Variants in MALRD1 observed in about 807,000 individuals in gnomAD.
MALRD1 encodes MAM and LDL receptor class A domain containing 1, also known as MAM and LDL-receptor class A domain-containing protein 1.
MALRD1 carries 247 observed loss-of-function variants against 242.1 expected under a neutral mutation model. That is an observed-to-expected ratio of 1.02 (90% CI 0.92 to 1.13). The LOEUF (loss-of-function observed/expected upper bound fraction) is 1.13. Ranked by LOEUF, MALRD1 falls within the 50% of genes most tolerant of loss-of-function variation. The pLI, the probability that MALRD1 is intolerant of heterozygous loss-of-function variation, is 0.00. For missense variants in MALRD1, 2,989 were observed against 2,533.1 expected (o/e 1.18, Z -3.86); for synonymous variants, 995 against 866.6 (o/e 1.15, Z -2.60).
At chr10:19,353,580 C>A (rs1412042276) in intron 26 of MALRD1, among the ~76,000 whole-genome samples, 1 of 152,104 alleles carries the variant, frequency 6.6e-6, no homozygotes, top group East Asian at 1.9e-4. Context: ...AGGCTCTTTG[C>A]CTGACAGGCT....
At chr10:19,269,118 C>A (rs1237007281) in intron 19 of MALRD1, among the ~76,000 whole-genome samples, 1 of 152,156 alleles carries the variant, frequency 6.6e-6, no homozygotes, top group Non-Finnish European at 1.5e-5. Flanking sequence ...CCAACTTTAG[C>A]CTTATTCTAA....
At chr10:19,128,565 A>G (rs1164845017) in intron 8 of MALRD1, among the ~76,000 whole-genome samples, 178 bp downstream of exon 8, 1 of 152,206 alleles carries the variant, frequency 6.6e-6, no homozygotes, top group African/African-American at 2.4e-5. Context: ...TCTCATGTAC[A>G]AAAGTTAATG....
At chr10:19,519,309 C>T (rs1833777317) in intron 31 of MALRD1, among the ~76,000 whole-genome samples, 1 of 151,830 alleles carries the variant, frequency 6.6e-6, no homozygotes. Flanking sequence ...TGACTTTTCT[C>T]CTATTATGCC....
chr10:19,158,666 A>G (rs987907496), intron 12 of MALRD1, among the ~76,000 whole-genome samples: 10 of 152,234 alleles, frequency 6.6e-5, no homozygotes, highest in Admixed American at 5.9e-4. Flanking sequence ...CTGTGTGTTG[A>G]TCACAGTCCT....
intron 28 of MALRD1, among the ~76,000 whole-genome samples, chr10:19,425,443 C>T (rs576170544): frequency 4.6e-4 from 70 of 152,090 alleles, no homozygotes; most frequent in African/African-American, 1.6e-3. Flanking sequence ...GAAGTATATA[C>T]GTGTGTGTGT....
At position 19,299,210 on chromosome 10, in the gene MALRD1, GAT is replaced by G. The variant is rs1841838408; in HGVS notation, c.3419+16031_3419+16032del. 1.3e-5 allele frequency among the ~76,000 whole-genome samples: 2 copies of G among 151,898 alleles called. 1 individual carries two copies. Among genetic ancestry groups the G allele is most frequent in the African/African-American group, 4.8e-5 (2 of 41,364 alleles). On this transcript the variant is annotated intron_variant, in intron 21 of 39. Coordinates refer to ENST00000454679, the MANE Select transcript of MALRD1 (RefSeq NM_001142308.3). The stretch of plus-strand genomic sequence containing the variant: ...AATATGTAAATCATATATTGATTAA[GAT>G]ACACAAAATTAATAGTATAAAAAGC...
intron 14 of MALRD1, among the ~76,000 whole-genome samples, chr10:19,195,096 A>C (rs11008883): frequency 0.17 from 25,451 of 152,218 alleles, 2,303 homozygotes; most frequent in Non-Finnish European, 0.2. Flanking sequence ...CTGTGACCCC[A>C]CTGCCTGTTA....
intron 18 of MALRD1, among the ~76,000 whole-genome samples, chr10:19,247,242 C>G (rs1464338248): frequency 1.3e-5 from 2 of 151,726 alleles, no homozygotes; most frequent in East Asian, 3.9e-4. Context: ...AAAAGAAATA[C>G]AAAAACAAAA....
chr10:19,585,434 C>G (rs1172879767), intron 33 of MALRD1, among the ~76,000 whole-genome samples: 7 of 152,058 alleles, frequency 4.6e-5, no homozygotes, highest in Non-Finnish European at 8.8e-5. Flanking sequence ...GTGACAAAAT[C>G]TCTCAACATT....
In MALRD1 at chr10:19,723,610, C is replaced by G. The variant is rs139402152; in HGVS notation, c.6315-7096C>G. On this transcript the variant is annotated intron_variant, in intron 38 of 39. Coordinates refer to ENST00000454679, the MANE Select transcript of MALRD1 (RefSeq NM_001142308.3). Reference sequence around the variant, plus strand: ...TAAAAAAATTAGCCGGGTGTGTTGGCATGCACCTATAGTCCCAGCAACTCA... The same window carrying G: ...TAAAAAAATTAGCCGGGTGTGTTGGGATGCACCTATAGTCCCAGCAACTCA... Among the ~76,000 whole-genome samples the G allele has an allele frequency of 2.1e-3, 322 of 152,160 alleles. 2 individuals are homozygous for G. Among genetic ancestry groups the G allele is most frequent in the African/African-American group, 7.4e-3 (309 of 41,522 alleles).
intron 5 of MALRD1, among the ~76,000 whole-genome samples, chr10:19,112,758 G>T (rs1241301224): frequency 6.6e-6 from 1 of 152,118 alleles, no homozygotes; most frequent in East Asian, 1.9e-4. Context: ...TGGAATAGAG[G>T]TAAGTAAGGA....
chr10:19,266,920 A>G (rs998397774), intron 19 of MALRD1, among the ~76,000 whole-genome samples: 1 of 152,014 alleles, frequency 6.6e-6, no homozygotes, highest in Admixed American at 6.6e-5. Context: ...TCTTCAGATT[A>G]GATTAGGAAT....
intron 12 of MALRD1, among the ~76,000 whole-genome samples, chr10:19,161,549 G>GAA (rs1491548638): frequency 8.7e-4 from 10 of 11,506 alleles, no homozygotes; most frequent in South Asian, 2.9e-3. Context: ...GAAAAAAAAA[G>GAA]CAAAAAAAAA....
intron 18 of MALRD1, among the ~76,000 whole-genome samples, chr10:19,235,160 T>G (rs1358517239): frequency 6.6e-6 from 1 of 152,154 alleles, no homozygotes; most frequent in Non-Finnish European, 1.5e-5. Context: ...GTAAGTGAGC[T>G]GATCAGAACA....
intron 1 of MALRD1, among the ~76,000 whole-genome samples, chr10:19,060,762 C>T (rs962968346): frequency 9.2e-5 from 14 of 152,142 alleles, no homozygotes; most frequent in African/African-American, 3.4e-4. Context: ...AAGAAAAACA[C>T]TGTTTTTAAG....
Position 19,204,408 on chromosome 10 carries a change from CT to C in MALRD1, c.2207del (p.Phe736SerfsTer27). On this transcript the variant is annotated frameshift_variant, in exon 16 of 40. Coordinates refer to ENST00000454679, the MANE Select transcript of MALRD1 (RefSeq NM_001142308.3). LOFTEE classifies it high-confidence loss of function. The part of the protein sequence containing the change: ...SQTGPGCILS[F>X]WFYNYGLSVG... ...AGACAGGACCTGGATGCATACTTTC[CT>C]TCTGGTAAATATTAAACAAATATTT... 1 of 1,539,448 alleles carries C rather than the reference CT, an allele frequency of 6.5e-7. No individual in the cohort carries two copies. The highest frequency in any genetic ancestry group is 8.8e-7 in the Non-Finnish European group (1 of 1,141,702).
chr10:19,441,625 A>G (rs1038485684), intron 28 of MALRD1, among the ~76,000 whole-genome samples: 11 of 152,296 alleles, frequency 7.2e-5, no homozygotes, highest in African/African-American at 2.6e-4. Context: ...CAGGTTTGTC[A>G]AAGATCAGAT....
At chr10:19,136,215 A>G (rs1216030493) in intron 9 of MALRD1, among the ~76,000 whole-genome samples, 1 of 152,202 alleles carries the variant, frequency 6.6e-6, no homozygotes, top group Non-Finnish European at 1.5e-5. Flanking sequence ...AGAGAGCTGT[A>G]AAGATGATGA....
intron 29 of MALRD1, among the ~76,000 whole-genome samples, chr10:19,490,397 G>C (rs1225128303): frequency 6.6e-6 from 1 of 150,942 alleles, no homozygotes; most frequent in African/African-American, 2.4e-5. Context: ...GATTAAATCT[G>C]GAACAATGTT....
Sources: allele counts gnomAD v4.1 joint callset (sites outside exome capture counted in the v4.1 genomes callset), GRCh38; gene constraint gnomAD v4.1.1; transcripts MANE v1.5; gene names NCBI Gene and HGNC (gene_info 2026-07-23, HGNC 2026-07-21).